The following SEMA6D variants were observed in gnomAD, a reference collection of about 807,000 sequenced individuals.
The protein encoded by SEMA6D is semaphorin 6D.
In SEMA6D, 35 loss-of-function variants were observed where a neutral mutation model predicts 106.6. The observed-to-expected ratio is 0.33, with a 90% CI of 0.25 to 0.44. The LOEUF (loss-of-function observed/expected upper bound fraction) is 0.44. SEMA6D is among the 20% of genes least tolerant of loss of function. The probability of loss-of-function intolerance (pLI) is 1.00; values close to 1 mark genes in which losing one functional copy is unlikely to be tolerated. For synonymous variants in SEMA6D, 499 were observed against 487.7 expected (o/e 1.02, Z -0.31); for missense variants, 1,185 against 1,345.9 (o/e 0.88, Z 1.87).
intron 1 of SEMA6D, among the ~76,000 whole-genome samples, chr15:47,222,878 T>C (rs995205382): frequency 4.6e-5 from 7 of 152,192 alleles, no homozygotes; most frequent in Non-Finnish European, 8.8e-5. Flanking sequence ...ATTATGCTTA[T>C]TGGATGAATA....
chr15:47,254,875 TTGTGTGTGTGTG>T (rs58271041), intron 1 of SEMA6D, among the ~76,000 whole-genome samples: 7 of 134,306 alleles, frequency 5.2e-5, no homozygotes, highest in South Asian at 2.5e-4. Flanking sequence ...ACCTGTGGTT[TTGTGTGTGTGTG>T]TGTGTGTGTG....
chr15:47,208,049 A>G (rs1449437890), intron 1 of SEMA6D, among the ~76,000 whole-genome samples: 1 of 143,130 alleles, frequency 7.0e-6, no homozygotes, highest in African/African-American at 2.6e-5. Context: ...ACACACACAC[A>G]CTACTGTAAC....
At chr15:47,651,716 C>T (rs1434005761) in intron 4 of SEMA6D, among the ~76,000 whole-genome samples, 2 of 152,244 alleles carry the variant, frequency 1.3e-5, no homozygotes, top group African/African-American at 2.4e-5. Flanking sequence ...CTAGATTTGA[C>T]AACCTTTGTG....
intron 3 of SEMA6D, among the ~76,000 whole-genome samples, chr15:47,574,332 A>G (rs1416358842): frequency 6.6e-6 from 1 of 152,198 alleles, no homozygotes; most frequent in Non-Finnish European, 1.5e-5. Context: ...GCTCTTCTGG[A>G]ATTGAAAGGG....
intron 4 of SEMA6D, among the ~76,000 whole-genome samples, chr15:47,643,108 G>A (rs1016936433): frequency 7.2e-5 from 11 of 152,192 alleles, no homozygotes; most frequent in African/African-American, 2.4e-4. Flanking sequence ...CATGAGGAAA[G>A]GAGGTGTAAG....
chr15:47,754,756 T>C (rs1025737295), intron 1 of SEMA6D, among the ~76,000 whole-genome samples: 2 of 151,884 alleles, frequency 1.3e-5, no homozygotes, highest in African/African-American at 4.8e-5. Context: ...GACTCCAGTA[T>C]GTTAATTCTT....
At chr15:47,579,373 C>G (rs2076215822) in intron 3 of SEMA6D, among the ~76,000 whole-genome samples, 1 of 151,986 alleles carries the variant, frequency 6.6e-6, no homozygotes, top group Non-Finnish European at 1.5e-5. Context: ...AACTCCTGAC[C>G]TCAGGTGACC....
intron 1 of SEMA6D, among the ~76,000 whole-genome samples, chr15:47,228,137 T>TACACACACAC (rs72361942): frequency 3.2e-4 from 43 of 135,054 alleles, no homozygotes; most frequent in South Asian, 1.2e-3. Flanking sequence ...TGTGTGTGTG[T>TACACACACAC]ACACACACAC....
At chr15:47,223,628 C>G (rs1216887785) in intron 1 of SEMA6D, among the ~76,000 whole-genome samples, 1 of 152,018 alleles carries the variant, frequency 6.6e-6, no homozygotes, top group East Asian at 1.9e-4. Flanking sequence ...GGCTTAAAAT[C>G]AGCTTCCTGT....
intron 1 of SEMA6D, among the ~76,000 whole-genome samples, chr15:47,243,844 A>G (rs1180431078): frequency 6.6e-6 from 1 of 152,052 alleles, no homozygotes; most frequent in Non-Finnish European, 1.5e-5. Context: ...TCATTCATTT[A>G]TTTTTCATGA....
chr15:47,210,266 G>A (rs1895393938), intron 1 of SEMA6D, among the ~76,000 whole-genome samples: 1 of 152,032 alleles, frequency 6.6e-6, no homozygotes, highest in Non-Finnish European at 1.5e-5. Flanking sequence ...GCACATTTCT[G>A]TTTCTATTTT....
At chr15:47,292,173 C>T (rs1156973717) in intron 1 of SEMA6D, among the ~76,000 whole-genome samples, 1 of 152,084 alleles carries the variant, frequency 6.6e-6, no homozygotes, top group Non-Finnish European at 1.5e-5. Flanking sequence ...ATTGAAAGGC[C>T]ACCATGAACT....
chr15:47,528,067 G>A (rs1797236), intron 3 of SEMA6D, among the ~76,000 whole-genome samples: 42,550 of 151,972 alleles, frequency 0.28, 6,155 homozygotes, highest in East Asian at 0.47. Context: ...CTTCATGCTT[G>A]ACTACACCCA....
intron 1 of SEMA6D, among the ~76,000 whole-genome samples, chr15:47,317,955 G>GT (rs1363536642): frequency 1.5e-5 from 2 of 133,200 alleles, no homozygotes; most frequent in African/African-American, 5.4e-5. Flanking sequence ...CTGTTCTTTT[G>GT]TTTTTTTCTT....
At chr15:47,731,778 G>T (rs1282075823) in intron 1 of SEMA6D, among the ~76,000 whole-genome samples, 1 of 152,092 alleles carries the variant, frequency 6.6e-6, no homozygotes, top group Non-Finnish European at 1.5e-5. Flanking sequence ...AAATGGTTAT[G>T]CTACCATAGA....
intron 2 of SEMA6D, among the ~76,000 whole-genome samples, chr15:47,465,592 A>G (rs1300153489): frequency 6.6e-6 from 1 of 152,076 alleles, no homozygotes; most frequent in Non-Finnish European, 1.5e-5. Flanking sequence ...GTGGGGGCGG[A>G]CTTTTTCCTT....
chr15:47,746,879 A>G (rs138044137), intron 1 of SEMA6D, among the ~76,000 whole-genome samples: 143 of 151,686 alleles, frequency 9.4e-4, no homozygotes, highest in African/African-American at 3.3e-3. Context: ...AAGGCTTTCC[A>G]TTTCTCTTGT....
chr15:47,414,272 G>C (rs929383497), intron 2 of SEMA6D, among the ~76,000 whole-genome samples: 1 of 152,096 alleles, frequency 6.6e-6, no homozygotes, highest in African/African-American at 2.4e-5. Flanking sequence ...TGATTTAGAA[G>C]TGCTTTCTAG....
rs72733882 is a variant in SEMA6D, at chr15:47,569,247, A to T, written c.-86-31618A>T. The stretch of plus-strand genomic sequence containing the variant: ...CAAAATTAAATTAAATGTGATTCTG[A>T]TTCTACATCTGCATTCCACCTGGCT... On this transcript the variant is annotated intron_variant, in intron 3 of 19. Coordinates refer to the SEMA6D transcript ENST00000558014. Among the ~76,000 whole-genome samples the T allele has an allele frequency of 6.8e-3, 1,042 of 152,234 alleles. 5 individuals are homozygous for T. Among genetic ancestry groups the T allele is most frequent in the Admixed American group, 0.013 (204 of 15,296 alleles).
Sources: allele counts gnomAD v4.1 joint callset (sites outside exome capture counted in the v4.1 genomes callset), GRCh38; gene constraint gnomAD v4.1.1; transcripts MANE v1.5; gene names NCBI Gene and HGNC (gene_info 2026-07-23, HGNC 2026-07-21).